Variants in TSHZ2 observed in about 807,000 individuals in gnomAD.
TSHZ2 encodes teashirt homolog 2.
In TSHZ2, 21 loss-of-function variants were observed where a neutral mutation model predicts 74.4. The ratio of observed to expected loss-of-function variants is 0.28; its 90% CI spans 0.20 to 0.41. The LOEUF is 0.41. Among genes scored for constraint, TSHZ2 ranks in the 10% least tolerant of loss-of-function variants. The pLI, the probability that TSHZ2 is intolerant of heterozygous loss-of-function variation, is 1.00. For missense variants in TSHZ2, 1,244 were observed against 1,293.5 expected, an observed-to-expected ratio of 0.96 and a Z score of 0.59; for synonymous variants, 540 against 515.3, an observed-to-expected ratio of 1.05 and a Z score of -0.65.
intron 1 of TSHZ2, among the ~76,000 whole-genome samples, chr20:53,020,118 G>A (rs1030103144): frequency 4.6e-5 from 7 of 152,064 alleles, no homozygotes; most frequent in African/African-American, 1.7e-4. Context: ...AACAGCATGG[G>A]GGAAACCACC....
At chr20:53,106,988 G>A (rs370620727) in intron 1 of TSHZ2, among the ~76,000 whole-genome samples, 10 of 152,046 alleles carry the variant, frequency 6.6e-5, no homozygotes, top group South Asian at 6.2e-4. Flanking sequence ...GTGAGCCACC[G>A]CGCCTGGCCC....
chr20:53,223,557 A>T (rs1435799284), intron 1 of TSHZ2, among the ~76,000 whole-genome samples: 1 of 151,984 alleles, frequency 6.6e-6, no homozygotes, highest in South Asian at 2.1e-4. Flanking sequence ...ACTTCAGGCT[A>T]TTTTTTAAAA....
intron 2 of TSHZ2, among the ~76,000 whole-genome samples, chr20:53,306,875 A>G (rs975634157): frequency 1.3e-5 from 2 of 152,194 alleles, no homozygotes; most frequent in African/African-American, 4.8e-5. Flanking sequence ...TACTGGTAAT[A>G]ATAGCTGCCA....
chr20:53,405,798 C>A (rs1200257761), intron 2 of TSHZ2, among the ~76,000 whole-genome samples: 1 of 152,046 alleles, frequency 6.6e-6, no homozygotes, highest in Non-Finnish European at 1.5e-5. Flanking sequence ...GAATTCAAGA[C>A]CAGCCTGGGC....
chr20:53,447,237 AGAATTCCTCCAC>A (rs951280109), intron 2 of TSHZ2, among the ~76,000 whole-genome samples: 58 of 152,196 alleles, frequency 3.8e-4, no homozygotes, highest in Non-Finnish European at 7.3e-4. Flanking sequence ...TCCCCCTCCA[AGAATTCCTCCAC>A]GAATTCCTCC....
chr20:53,096,139 CTGTTTGTT>C (rs953656585), intron 1 of TSHZ2, among the ~76,000 whole-genome samples: 1 of 151,850 alleles, frequency 6.6e-6, no homozygotes, highest in Non-Finnish European at 1.5e-5. Flanking sequence ...TTTTGTTTGT[CTGTTTGTT>C]TGTTTGTTTT....
chr20:53,174,409 T>G (rs16997687), intron 1 of TSHZ2, among the ~76,000 whole-genome samples: 1,622 of 152,340 alleles, frequency 0.011, 35 homozygotes, highest in African/African-American at 0.037. Context: ...TCTTGCTGTT[T>G]GTCAAAAGCA....
intron 2 of TSHZ2, among the ~76,000 whole-genome samples, chr20:53,312,301 G>C (rs1162137699): frequency 1.3e-5 from 2 of 152,132 alleles, no homozygotes; most frequent in Non-Finnish European, 2.9e-5. Flanking sequence ...ACATTGTAAC[G>C]GAGGCTGCCT....
intron 2 of TSHZ2, among the ~76,000 whole-genome samples, chr20:53,469,768 GGA>G: frequency 1.6e-4 from 8 of 49,928 alleles, no homozygotes; most frequent in African/African-American, 4.7e-4. Flanking sequence ...TAGAGAGGGA[GGA>G]AGGGAGGGAG....
intron 1 of TSHZ2, among the ~76,000 whole-genome samples, chr20:53,186,522 C>T (rs1988602428): frequency 1.3e-5 from 2 of 152,188 alleles, no homozygotes; most frequent in Admixed American, 1.3e-4. Context: ...AGGAAGAAAA[C>T]TCTATATGTG....
chr20:53,345,417 G>C (rs116896154), intron 2 of TSHZ2, among the ~76,000 whole-genome samples: 96 of 152,260 alleles, frequency 6.3e-4, no homozygotes, highest in Non-Finnish European at 1.1e-3. Flanking sequence ...CAGAGGACTT[G>C]TCTGGTCCCC....
At chr20:53,216,433 G>C (rs1989435283) in intron 1 of TSHZ2, among the ~76,000 whole-genome samples, 1 of 152,176 alleles carries the variant, frequency 6.6e-6, no homozygotes, top group African/African-American at 2.4e-5. Flanking sequence ...GGAAAAATAG[G>C]CCACAGCCAG....
intron 1 of TSHZ2, among the ~76,000 whole-genome samples, chr20:53,095,386 AATGGG>A (rs1341757323): frequency 6.6e-6 from 1 of 152,174 alleles, no homozygotes; most frequent in African/African-American, 2.4e-5. Flanking sequence ...AACCAAGAGA[AATGGG>A]ATGTGCTGAT....
intron 1 of TSHZ2, among the ~76,000 whole-genome samples, chr20:53,115,272 A>C (rs62206549): frequency 0.3 from 45,015 of 152,084 alleles, 7,831 homozygotes; most frequent in Admixed American, 0.44. Flanking sequence ...TCCAAATCTC[A>C]TCTTGAATTG....
intron 2 of TSHZ2, among the ~76,000 whole-genome samples, chr20:53,341,726 C>A (rs574231767): frequency 2.5e-4 from 38 of 152,056 alleles, no homozygotes; most frequent in African/African-American, 8.7e-4. Context: ...GGGGTGCGGG[C>A]TGGGGGGACA....
chr20:53,035,692 C>T (rs1983792777), intron 1 of TSHZ2, among the ~76,000 whole-genome samples: 1 of 152,222 alleles, frequency 6.6e-6, no homozygotes, highest in Non-Finnish European at 1.5e-5. Context: ...ACAGTCCCTA[C>T]TCTCAGGGAG....
rs762452919 is a variant in TSHZ2 at position 53,254,779 on chromosome 20, C to G, written c.1321C>G (p.Leu441Val). The change falls in exon 2 of 3, where the codon CTG becomes GTG. Residue 441 changes from leucine (L) to valine (V), a missense_variant. Physicochemically the swap from Leu to Val is conservative, Grantham distance 32. This residue lies in a region of TSHZ2 where 562 missense variants were observed against 544.0 expected (regional missense o/e 1.03). Transcript: ENST00000371497. Reference protein sequence around the residue: ...SLSEAPNSDSLAPKPSSNSAS... With the variant: ...SLSEAPNSDSVAPKPSSNSAS... ...GTCTGAGGCCCCAAACAGTGATTCT[C>G]TGGCTCCCAAGCCATCCAGTAACTC... is the stretch of plus-strand genomic sequence containing the variant. 3.7e-6 allele frequency: 6 copies of G among 1,613,322 alleles called. No homozygotes were observed. The Admixed American group carries it at 8.3e-5, about 22-fold the overall frequency.
rs534232908 is a variant in TSHZ2 at position 53,282,353 on chromosome 20, C to A, written c.*8+25782C>A. Among the ~76,000 whole-genome samples, 9 of 152,332 alleles carry A rather than the reference C, an allele frequency of 5.9e-5. No individual in the cohort carries two copies. In the South Asian group the frequency reaches 1.9e-3, roughly 32 times the overall value. The stretch of plus-strand genomic sequence containing the variant: ...CGTTTTTGAAAGTGATCAGAGAAGC[C>A]TGGCCTCTGGCTTAGCCTTTCATAT... On this transcript the variant is annotated intron_variant, in intron 2 of 2. Coordinates refer to ENST00000371497, the MANE Select transcript of TSHZ2 (RefSeq NM_173485.6).
chr20:53,091,864 C>T (rs960258600), intron 1 of TSHZ2, among the ~76,000 whole-genome samples: 20 of 152,052 alleles, frequency 1.3e-4, no homozygotes, highest in Non-Finnish European at 1.9e-4. Flanking sequence ...GGCAACATAA[C>T]AAGAGCCTGT....
Sources: gnomAD v4.1 joint callset for allele counts (sites outside exome capture counted in the v4.1 genomes callset) on GRCh38, gnomAD v4.1.1 for gene constraint, gnomAD v4.1.1 regional missense constraint, MANE v1.5 for transcripts, NCBI Gene and HGNC (gene_info 2026-07-23, HGNC 2026-07-21) for gene names.